The following PCM1 variants were observed in gnomAD, a reference collection of about 807,000 sequenced individuals.
The protein encoded by PCM1 is pericentriolar material 1 protein.
PCM1 carries 157 observed loss-of-function variants against 241.9 expected under a neutral mutation model. The observed-to-expected ratio is 0.65, with a 90% CI of 0.57 to 0.74. PCM1 has a LOEUF of 0.74. Among genes scored for constraint, PCM1 ranks in the 30% least tolerant of loss-of-function variants. The probability of loss-of-function intolerance (pLI) is 0.00; values close to 1 mark genes in which losing one functional copy is unlikely to be tolerated. For missense variants in PCM1, 3,478 were observed against 2,360.1 expected (o/e 1.47, Z -9.81); for synonymous variants, 1,085 against 784.9 (o/e 1.38, Z -6.39).
At chr8:17,959,608 A>G (rs1462679952) in intron 13 of PCM1, among the ~76,000 whole-genome samples, 1 of 116,030 alleles carries the variant, frequency 8.6e-6, no homozygotes, top group Non-Finnish European at 1.9e-5. Context: ...GTATTTCCGT[A>G]TGTATTTATA....
In PCM1 at chr8:18,014,054, G is replaced by C. The variant is rs73666809; in HGVS notation, c.5584+18G>C. On this transcript the variant is annotated intron_variant, in intron 35 of 38. Coordinates refer to ENST00000325083, the MANE Select transcript of PCM1 (RefSeq NM_006197.4). ...TAGTAAAAGTAAGAAATCTAAATAA[G>C]TCTTTGATTTTAAGATAATTTCCTT... The C allele has an allele frequency of 0.042, 56,353 of 1,328,950 alleles. 2,157 individuals carry two copies. Among genetic ancestry groups the C allele is most frequent in the African/African-American group, 0.16 (10,377 of 64,280 alleles). 82.3% of individuals were successfully genotyped at this position (1,328,950 alleles called of 1,614,324 possible). A position where few individuals can be genotyped will look rare whatever the true frequency, so the allele number is the denominator to read the frequency against.
chr8:17,972,339 C>T lies in PCM1; in HGVS notation c.3595C>T (p.Leu1199=). Residue 1199 remains leucine (L), a synonymous_variant, in exon 23 of 39, where the codon CTG becomes TTG. Transcript: ENST00000325083. ...IGAEKPRNKK[L]PEEEVESSRT... ...GTTTTCATTGGTAAGGAATAAAAAA[C>T]TGCCTGAAGAGGAGGTGGAAAGCAG... The T allele has an allele frequency of 6.7e-7, 1 of 1,495,740 alleles. No homozygotes were observed. The highest frequency in any genetic ancestry group is 8.9e-7 in the Non-Finnish European group (1 of 1,122,536). 92.7% of individuals were successfully genotyped at this position (1,495,740 alleles called of 1,614,324 possible).
chr8:18,004,230 T>G (rs1055389503), intron 29 of PCM1, among the ~76,000 whole-genome samples: 2 of 152,156 alleles, frequency 1.3e-5, no homozygotes, highest in African/African-American at 4.8e-5. Flanking sequence ...GAAGTCACCT[T>G]GAGTCTGTGA....
At chr8:17,985,809 C>T (rs759948436) in intron 25 of PCM1, 150 bp from the exon 26 acceptor site, 6 of 706,042 alleles carry the variant, frequency 8.5e-6, no homozygotes, top group Non-Finnish European at 1.4e-5. Context: ...AGTACTTTTT[C>T]AGTGTTTTGT....
At chr8:17,958,209 A>G (rs2069614603) in intron 13 of PCM1, among the ~76,000 whole-genome samples, 1 of 152,196 alleles carries the variant, frequency 6.6e-6, no homozygotes. Context: ...GACATTAAAT[A>G]GGTTAAAGAG....
chr8:17,958,491 T>C (rs2069837536), intron 13 of PCM1, among the ~76,000 whole-genome samples: 1 of 152,108 alleles, frequency 6.6e-6, no homozygotes, highest in African/African-American at 2.4e-5. Flanking sequence ...ACACAAAATA[T>C]GCCTACACTT....
At chr8:18,011,171 G>T in intron 32 of PCM1, 66 bp from the exon 33 acceptor site, 1 of 1,079,386 alleles carries the variant, frequency 9.3e-7, no homozygotes. Context: ...TAATACGATA[G>T]ACTTACTATA....
intron 36 of PCM1, 44 bp from the exon 37 acceptor site, chr8:18,025,317 G>C: frequency 2.0e-6 from 2 of 1,024,086 alleles, no homozygotes; most frequent in Non-Finnish European, 3.0e-6. Flanking sequence ...TGGATGACTG[G>C]TTTGGATCTA....
chr8:17,926,142 A>C (rs2056858505), intron 2 of PCM1: 1 of 152,216 alleles, frequency 6.6e-6, no homozygotes, highest in South Asian at 2.1e-4. Flanking sequence ...ATAAACAATA[A>C]TTACAAAATT....
chr8:17,998,323 G>A (rs778687595), intron 29 of PCM1, among the ~76,000 whole-genome samples: 1 of 152,150 alleles, frequency 6.6e-6, no homozygotes, highest in African/African-American at 2.4e-5. Context: ...GTCTGGGCTT[G>A]TTTGTGCCCA....
intron 10 of PCM1, chr8:17,956,068 T>C (rs927397969): frequency 4.7e-6 from 1 of 212,720 alleles, no homozygotes; most frequent in Non-Finnish European, 9.4e-6. Flanking sequence ...ATATACCTGT[T>C]GATAAATATG....
intron 34 of PCM1, 108 bp from the exon 35 acceptor site, chr8:18,013,856 T>A (rs1056080099): frequency 1.7e-4 from 110 of 657,830 alleles, no homozygotes; most frequent in Non-Finnish European, 2.5e-4. Flanking sequence ...CTTTTAAATT[T>A]CTTTGTATGA....
chr8:17,973,938 T>C (rs887833765), intron 23 of PCM1, among the ~76,000 whole-genome samples: 2 of 152,174 alleles, frequency 1.3e-5, no homozygotes, highest in African/African-American at 4.8e-5. Context: ...TAGAAAAATC[T>C]AATGAAAACC....
chr8:17,949,794 G>T (rs1006751541), intron 7 of PCM1, among the ~76,000 whole-genome samples: 1 of 152,142 alleles, frequency 6.6e-6, no homozygotes, highest in African/African-American at 2.4e-5. Flanking sequence ...ACTGTACCTG[G>T]CCACCAATGT....
intron 30 of PCM1, among the ~76,000 whole-genome samples, chr8:18,006,630 C>G (rs1465462510): frequency 2.0e-5 from 3 of 152,222 alleles, no homozygotes; most frequent in South Asian, 2.1e-4. Flanking sequence ...TAAGGCATGT[C>G]TCTTATAAGC....
chr8:18,013,895 C>G (rs2092822042), intron 34 of PCM1, 69 bp from the exon 35 acceptor site: 3 of 879,336 alleles, frequency 3.4e-6, no homozygotes, highest in African/African-American at 1.7e-5. Flanking sequence ...AAACTACACA[C>G]TAGTAATCAT....
chr8:17,939,667 T>G lies in PCM1; in HGVS notation c.613-24T>G, dbSNP rs556302288. Reference sequence around the variant, plus strand: ...TATATTGTGTACTTTCATGCTTTTTTTAAAAAAAATATTTCCCCTGCAGAT... The same window carrying G: ...TATATTGTGTACTTTCATGCTTTTTGTAAAAAAAATATTTCCCCTGCAGAT... On this transcript the variant is annotated intron_variant, in intron 5 of 38. Coordinates refer to ENST00000325083, the MANE Select transcript of PCM1 (RefSeq NM_006197.4). The G allele has an allele frequency of 4.9e-6, 7 of 1,436,212 alleles. No homozygotes were observed. The South Asian group carries it at 8.5e-5, about 17-fold the overall frequency. The allele number at this position is 1,436,212 out of a possible 1,614,324, so 89.0% of individuals were successfully genotyped here. A position where few individuals can be genotyped will look rare whatever the true frequency, so the allele number is the denominator to read the frequency against.
At chr8:17,976,090 CTTTCCTGTTGCACACTAA>C in intron 23 of PCM1, among the ~76,000 whole-genome samples, 1 of 152,284 alleles carries the variant, frequency 6.6e-6, no homozygotes, top group East Asian at 1.9e-4. Context: ...TCCTTCCTCC[CTTTCCTGTTGCACACTAA>C]TGAAGATGGA....
intron 36 of PCM1, 100 bp from the exon 37 acceptor site, chr8:18,025,261 G>A (rs746402050): frequency 8.3e-6 from 5 of 605,526 alleles, no homozygotes; most frequent in East Asian, 6.1e-5. Flanking sequence ...AGAAGAAAAC[G>A]AAATGTGATA....
Sources: allele counts gnomAD v4.1 joint callset (sites outside exome capture counted in the v4.1 genomes callset), GRCh38; gene constraint gnomAD v4.1.1; transcripts MANE v1.5; gene names NCBI Gene and HGNC (gene_info 2026-07-23, HGNC 2026-07-21).